The following TENM3 variants were observed in gnomAD, a reference collection of about 807,000 sequenced individuals.
The protein encoded by TENM3 is teneurin transmembrane protein 3, also known as teneurin-3.
Under a neutral mutation model 255.1 loss-of-function variants are expected in TENM3, and 63 were observed. The ratio of observed to expected loss-of-function variants is 0.25; its 90% confidence interval spans 0.20 to 0.30. The LOEUF (loss-of-function observed/expected upper bound fraction) is 0.30, where lower values mean the gene tolerates loss of function less well. TENM3 is among the 10% of genes least tolerant of loss of function. TENM3 has a pLI of 1.00. For synonymous variants in TENM3, 1,306 were observed against 1,322.3 expected, an observed-to-expected ratio of 0.99 and a Z score of 0.27; for missense variants, 2,929 against 3,461.1, an observed-to-expected ratio of 0.85 and a Z score of 3.86.
chr4:182,751,717 T>A, intron 19 of TENM3, 83 bp from the exon 20 acceptor site: 1 of 928,584 alleles, frequency 1.1e-6, no homozygotes, highest in South Asian at 1.4e-5. Flanking sequence ...CAGTTTCTCA[T>A]GATCTGTTTT....
chr4:182,796,904 C>T (rs753690569), intron 27 of TENM3, 137 bp downstream of exon 27: 15 of 588,576 alleles, frequency 2.5e-5, no homozygotes, highest in Non-Finnish European at 4.1e-5. Flanking sequence ...AAAAAAACAA[C>T]ACTTCCTCTG....
At chr4:182,614,421 GTTAGCA>G (rs2152436520) in intron 4 of TENM3, among the ~76,000 whole-genome samples, 2 of 152,080 alleles carry the variant, frequency 1.3e-5, no homozygotes, top group South Asian at 4.1e-4. Context: ...CTTTTTAAAA[GTTAGCA>G]GAAATCCAGT....
chr4:181,619,274 C>G, the TENM3 span, among the ~76,000 whole-genome samples: 1 of 152,136 alleles, frequency 6.6e-6, no homozygotes, highest in African/African-American at 2.4e-5. Flanking sequence ...TGTCCATACC[C>G]TCATCAATAG....
the TENM3 span, among the ~76,000 whole-genome samples, chr4:181,473,827 T>G: frequency 2.6e-5 from 2 of 76,964 alleles, no homozygotes; most frequent in East Asian, 1.0e-3. Flanking sequence ...GCAGTATATA[T>G]GTATACTGTA....
chr4:181,867,060 A>G, the TENM3 span, among the ~76,000 whole-genome samples: 4 of 152,206 alleles, frequency 2.6e-5, no homozygotes, highest in South Asian at 6.2e-4. Context: ...ATCATGCATT[A>G]TTATAATCCT....
intron 22 of TENM3, among the ~76,000 whole-genome samples, chr4:182,767,296 G>A (rs372570922): frequency 2.6e-4 from 39 of 152,302 alleles, no homozygotes; most frequent in African/African-American, 8.4e-4. Flanking sequence ...CGGGTTCGCT[G>A]TTTGTGCACA....
At chr4:181,887,281 C>G in the TENM3 span, among the ~76,000 whole-genome samples, 1 of 151,560 alleles carries the variant, frequency 6.6e-6, no homozygotes, top group Non-Finnish European at 1.5e-5. Context: ...GGACATTTTA[C>G]AGCCAGAACC....
intron 22 of TENM3, among the ~76,000 whole-genome samples, chr4:182,756,890 T>G (rs1762778016): frequency 6.6e-6 from 1 of 152,198 alleles, no homozygotes; most frequent in Admixed American, 6.5e-5. Flanking sequence ...AAATTGGAAG[T>G]TAATGGAAAG....
intron 3 of TENM3, among the ~76,000 whole-genome samples, chr4:182,503,837 G>A (rs77751387): frequency 0.042 from 6,457 of 152,062 alleles, 240 homozygotes; most frequent in East Asian, 0.1. Flanking sequence ...AGATATCCAC[G>A]AGACTTACTC....
chr4:182,108,434 A>G, the TENM3 span, among the ~76,000 whole-genome samples: 1 of 152,226 alleles, frequency 6.6e-6, no homozygotes, highest in Admixed American at 6.5e-5. Context: ...CCTCTTTATA[A>G]AGGCAGACTT....
the TENM3 span, among the ~76,000 whole-genome samples, chr4:181,498,491 G>A: frequency 6.6e-6 from 1 of 152,120 alleles, no homozygotes. Context: ...TAAGACGATG[G>A]TAAAGGATGC....
chr4:181,791,437 A>T, the TENM3 span, among the ~76,000 whole-genome samples: 1 of 152,256 alleles, frequency 6.6e-6, no homozygotes, highest in Middle Eastern at 3.2e-3. Flanking sequence ...ATGAAACATG[A>T]AGATAAAGTT....
At chr4:182,212,724 C>G (rs972099153) in intron 1 of TENM3, among the ~76,000 whole-genome samples, 3 of 152,084 alleles carry the variant, frequency 2.0e-5, no homozygotes, top group Non-Finnish European at 4.4e-5. Flanking sequence ...GAGAGTGAAA[C>G]AGAAAGGACA....
At chr4:181,870,339 A>G in the TENM3 span, among the ~76,000 whole-genome samples, 1 of 152,126 alleles carries the variant, frequency 6.6e-6, no homozygotes. Flanking sequence ...TCTGGGGATA[A>G]TACCAAGGAA....
At chr4:182,486,418 G>C (rs968373256) in intron 3 of TENM3, among the ~76,000 whole-genome samples, 6 of 152,078 alleles carry the variant, frequency 3.9e-5, no homozygotes, top group African/African-American at 1.4e-4. Context: ...TAACTGGCTG[G>C]ATGGCCACAT....
chr4:181,912,764 T>G, the TENM3 span, among the ~76,000 whole-genome samples: 1 of 132,708 alleles, frequency 7.5e-6, no homozygotes, highest in East Asian at 2.1e-4. Flanking sequence ...AAAGCAAGAC[T>G]ATCTCAAAAA....
chr4:181,922,307 T>C, the TENM3 span, among the ~76,000 whole-genome samples: 1 of 152,378 alleles, frequency 6.6e-6, no homozygotes, highest in East Asian at 1.9e-4. Context: ...TCAGAAGGAA[T>C]GGTACCAATT....
At chr4:181,849,988 G>C in the TENM3 span, among the ~76,000 whole-genome samples, 6,336 of 53,838 alleles carry the variant, frequency 0.12, 188 homozygotes, top group South Asian at 0.2. Flanking sequence ...CACACACACA[G>C]AGTCTTCCTC....
At chr4:182,303,443 C>A (rs73869920) in intron 1 of TENM3, among the ~76,000 whole-genome samples, 15 of 152,140 alleles carry the variant, frequency 9.9e-5, no homozygotes, top group Non-Finnish European at 1.8e-4. Context: ...GGTGGATGAG[C>A]ATCTTTGCTT....
Sources: allele counts gnomAD v4.1 joint callset (sites outside exome capture counted in the v4.1 genomes callset), GRCh38; gene constraint gnomAD v4.1.1; transcripts MANE v1.5; gene names NCBI Gene and HGNC (gene_info 2026-07-23, HGNC 2026-07-21).